The following VTI1A variants were observed in gnomAD, a reference collection of about 807,000 sequenced individuals.
VTI1A encodes the protein vesicle transport through interaction with t-SNAREs 1A, also known as vesicle transport through interaction with t-SNAREs homolog 1A.
VTI1A carries 22 observed loss-of-function variants against 34.9 expected under a neutral mutation model. The ratio of observed to expected loss-of-function variants is 0.63; its 90% CI spans 0.45 to 0.90. The LOEUF (loss-of-function observed/expected upper bound fraction) is 0.90. Ranked by LOEUF, VTI1A falls within the 40% of genes least tolerant of loss-of-function variation. The pLI is 0.00. For missense variants in VTI1A, 268 were observed against 275.6 expected, an observed-to-expected ratio of 0.97 and a Z score of 0.20; for synonymous variants, 87 against 97.3, an observed-to-expected ratio of 0.89 and a Z score of 0.62.
intron 7 of VTI1A, among the ~76,000 whole-genome samples, chr10:112,777,032 C>G (rs969124399): frequency 1.3e-5 from 2 of 152,118 alleles, no homozygotes; most frequent in Middle Eastern, 3.2e-3. Context: ...GTAAGAGAAA[C>G]TAAAACTCAC....
rs576663853 is a variant in VTI1A at position 112,728,086 on chromosome 10, T to A, written c.560+59088T>A. 2.6e-5 allele frequency among the ~76,000 whole-genome samples: 4 copies of A among 152,170 alleles called. No homozygotes were observed. In the East Asian group the frequency reaches 7.7e-4, roughly 29 times the overall value. On this transcript the variant is annotated intron_variant, in intron 7 of 7. Coordinates refer to ENST00000393077, the MANE Select transcript of VTI1A (RefSeq NM_145206.4). ...AGTCTGAACCCGAAGTCACCGGCTG[T>A]CTCACTAACCAGAGAAAGGGATTTT...
chr10:112,493,973 G>A (rs1409826817), intron 3 of VTI1A, among the ~76,000 whole-genome samples: 2 of 152,094 alleles, frequency 1.3e-5, no homozygotes, highest in Non-Finnish European at 2.9e-5. Context: ...TAGTCTCATA[G>A]AACAAGTTAG....
intron 7 of VTI1A, among the ~76,000 whole-genome samples, chr10:112,714,162 A>C (rs1333684135): frequency 6.6e-6 from 1 of 152,142 alleles, no homozygotes; most frequent in African/African-American, 2.4e-5. Context: ...CATCACACTA[A>C]GACTTGATCT....
intron 7 of VTI1A, among the ~76,000 whole-genome samples, chr10:112,773,130 G>A (rs907827483): frequency 7.2e-5 from 11 of 152,168 alleles, no homozygotes; most frequent in African/African-American, 2.7e-4. Context: ...AAAGAGAATT[G>A]ACTTTGCTAT....
In VTI1A at chr10:112,817,574, C is replaced by G. The variant is rs1004217314; in HGVS notation, c.*2191C>G. The G allele has an allele frequency of 7.9e-5, 18 of 229,154 alleles. No homozygotes were observed. The highest frequency in any genetic ancestry group is 3.8e-4 in the African/African-American group (17 of 45,106). 14.2% of individuals were successfully genotyped at this position (229,154 alleles called of 1,614,324 possible). On this transcript the variant is annotated 3_prime_UTR_variant, in exon 8 of 8. Coordinates refer to ENST00000393077, the MANE Select transcript of VTI1A (RefSeq NM_145206.4). Reference sequence around the variant, plus strand: ...ATCAAACCTCCTTGAGAGCAACTACCTAGGCCAGGCTAGTGAGTGCTTTGT... The same window carrying G: ...ATCAAACCTCCTTGAGAGCAACTACGTAGGCCAGGCTAGTGAGTGCTTTGT...
chr10:112,696,458 T>A (rs1170179969), intron 7 of VTI1A, among the ~76,000 whole-genome samples: 1 of 152,236 alleles, frequency 6.6e-6, no homozygotes, highest in African/African-American at 2.4e-5. Context: ...TGTTTACTAT[T>A]GATGGAATAT....
intron 2 of VTI1A, among the ~76,000 whole-genome samples, chr10:112,462,722 G>C (rs1483487066): frequency 2.0e-5 from 3 of 152,090 alleles, no homozygotes; most frequent in Non-Finnish European, 2.9e-5. Flanking sequence ...TGGTTTATCT[G>C]TATGCTACTG....
chr10:112,510,667 A>T (rs76235958), intron 3 of VTI1A, among the ~76,000 whole-genome samples: 5,857 of 152,216 alleles, frequency 0.038, 147 homozygotes, highest in South Asian at 0.06. Flanking sequence ...CACCACAAAA[A>T]CAATTATAGT....
intron 5 of VTI1A, among the ~76,000 whole-genome samples, chr10:112,572,082 A>G (rs1852146349): frequency 6.6e-6 from 1 of 152,204 alleles, no homozygotes; most frequent in South Asian, 2.1e-4. Context: ...CCTTGGCATC[A>G]CACCATATAC....
At chr10:112,790,791 A>G (rs930543595) in intron 7 of VTI1A, among the ~76,000 whole-genome samples, 37 of 142,446 alleles carry the variant, frequency 2.6e-4, no homozygotes, top group South Asian at 2.2e-3. Context: ...TGCATTCTCC[A>G]GTTTTATACT....
chr10:112,701,471 A>G (rs1277631878), intron 7 of VTI1A, among the ~76,000 whole-genome samples: 1 of 152,230 alleles, frequency 6.6e-6, no homozygotes, highest in Non-Finnish European at 1.5e-5. Context: ...CAGATTTGGA[A>G]TGTATAAAGC....
At chr10:112,632,718 A>G (rs1161492644) in intron 5 of VTI1A, among the ~76,000 whole-genome samples, 3 of 152,168 alleles carry the variant, frequency 2.0e-5, no homozygotes, top group Non-Finnish European at 4.4e-5. Context: ...GGGAAGAGGA[A>G]CAGGTGGAAA....
At chr10:112,787,193 A>G (rs1852313914) in intron 7 of VTI1A, among the ~76,000 whole-genome samples, 1 of 152,202 alleles carries the variant, frequency 6.6e-6, no homozygotes, top group Non-Finnish European at 1.5e-5. Context: ...TTTGCATAAC[A>G]CTGTTCAGAA....
At chr10:112,775,012 A>G (rs1851920708) in intron 7 of VTI1A, among the ~76,000 whole-genome samples, 3 of 152,178 alleles carry the variant, frequency 2.0e-5, no homozygotes, top group Non-Finnish European at 2.9e-5. Context: ...CCACCAGTCA[A>G]TGGCTGCCTC....
At chr10:112,730,854 T>TG (rs1400221994) in intron 7 of VTI1A, among the ~76,000 whole-genome samples, 2 of 152,074 alleles carry the variant, frequency 1.3e-5, no homozygotes, top group African/African-American at 4.8e-5. Context: ...ACTAAAAAGA[T>TG]GGGATTTGCT....
At chr10:112,499,965 T>C (rs1849168162) in intron 3 of VTI1A, among the ~76,000 whole-genome samples, 2 of 152,210 alleles carry the variant, frequency 1.3e-5, no homozygotes, top group Admixed American at 1.3e-4. Flanking sequence ...AGTCCTCCTG[T>C]CTGTTTTCCA....
At chr10:112,530,006 G>T (rs530665079) in intron 4 of VTI1A, among the ~76,000 whole-genome samples, 13 of 151,920 alleles carry the variant, frequency 8.6e-5, no homozygotes, top group African/African-American at 2.7e-4. Flanking sequence ...TTACTCTTAG[G>T]TACATAAACA....
At chr10:112,738,844 C>T (rs1315443268) in intron 7 of VTI1A, among the ~76,000 whole-genome samples, 1 of 151,974 alleles carries the variant, frequency 6.6e-6, no homozygotes, top group Non-Finnish European at 1.5e-5. Context: ...AGGAGAAAGC[C>T]CTCATGGAAG....
At chr10:112,661,758 T>G (rs1335213828) in intron 5 of VTI1A, among the ~76,000 whole-genome samples, 1 of 147,950 alleles carries the variant, frequency 6.8e-6, no homozygotes, top group Admixed American at 7.1e-5. Flanking sequence ...TTTTTTCTGC[T>G]GTTAAGTTTT....
Sources: allele counts gnomAD v4.1 joint callset (sites outside exome capture counted in the v4.1 genomes callset), GRCh38; gene constraint gnomAD v4.1.1; transcripts MANE v1.5; gene names NCBI Gene and HGNC (gene_info 2026-07-23, HGNC 2026-07-21).